The following SENP7 variants were observed in gnomAD, a reference collection of about 807,000 sequenced individuals.
The protein encoded by SENP7 is SUMO specific peptidase 7.
A neutral mutation model predicts 141.2 loss-of-function variants in SENP7; 64 were observed. That is an observed-to-expected ratio of 0.45 (90% CI 0.37 to 0.56). The LOEUF is 0.56. Ranked by LOEUF, SENP7 falls within the 20% of genes least tolerant of loss-of-function variation. The probability of loss-of-function intolerance (pLI) is 0.00; values close to 1 mark genes in which losing one functional copy is unlikely to be tolerated. For synonymous variants in SENP7, 382 were observed against 426.4 expected, an observed-to-expected ratio of 0.90 and a Z score of 1.28; for missense variants, 1,025 against 1,212.2, an observed-to-expected ratio of 0.85 and a Z score of 2.29.
intron 2 of SENP7, among the ~76,000 whole-genome samples, chr3:101,499,795 A>G (rs1245397274): frequency 6.6e-6 from 1 of 152,060 alleles, no homozygotes; most frequent in African/African-American, 2.4e-5. Flanking sequence ...TCAGCCTCCC[A>G]AAGTGCTGGG....
At chr3:101,361,596 T>C in intron 11 of SENP7, 119 bp downstream of exon 11, 1 of 1,066,396 alleles carries the variant, frequency 9.4e-7, no homozygotes, top group Non-Finnish European at 1.3e-6. Context: ...ATATCCAAAG[T>C]GTCCCATATA....
Position 101,325,937 on chromosome 3 carries a change from G to C in SENP7, c.*6C>G, listed in dbSNP as rs2058887975. 1.2e-6 allele frequency: 2 copies of C among 1,606,566 alleles called. No homozygotes were observed. Among genetic ancestry groups the C allele is most frequent in the Non-Finnish European group, 1.7e-6 (2 of 1,176,490 alleles). ...AGAACATCTGTGTCATGTTTGTACAGATTAACTAGCTACTGCTGCCCTTCT... is the reference window on the plus strand; with the variant it reads ...AGAACATCTGTGTCATGTTTGTACACATTAACTAGCTACTGCTGCCCTTCT... On this transcript the variant is annotated 3_prime_UTR_variant, in exon 24 of 24. Coordinates refer to ENST00000394095, the MANE Select transcript of SENP7 (RefSeq NM_020654.5).
chr3:101,429,384 A>G (rs958003305), intron 4 of SENP7, among the ~76,000 whole-genome samples: 1 of 152,012 alleles, frequency 6.6e-6, no homozygotes. Context: ...AGTGGTTTGT[A>G]GTTCTCCGTG....
chr3:101,394,598 C>T lies in SENP7; in HGVS notation c.677+4263G>A, dbSNP rs374440432. On this transcript the variant is annotated intron_variant, in intron 6 of 23. Coordinates refer to ENST00000394095, the MANE Select transcript of SENP7 (RefSeq NM_020654.5). The stretch of plus-strand genomic sequence containing the variant: ...CGCAATCTCGGCCCACTGTAAGCTC[C>T]GCCTCCCAGGTTCACGCCATTCTCC... Among the ~76,000 whole-genome samples, 8 of 151,938 alleles carry T rather than the reference C, an allele frequency of 5.3e-5. No homozygotes were observed. The East Asian group carries it at 7.7e-4, about 15-fold the overall frequency.
chr3:101,456,054 A>C (rs2063342306), intron 4 of SENP7, among the ~76,000 whole-genome samples: 2 of 152,176 alleles, frequency 1.3e-5, no homozygotes. Context: ...TTTAAATTCC[A>C]CTTTTTAATA....
At chr3:101,389,556 T>C (rs998748413) in intron 6 of SENP7, among the ~76,000 whole-genome samples, 2 of 151,296 alleles carry the variant, frequency 1.3e-5, no homozygotes, top group Non-Finnish European at 2.9e-5. Flanking sequence ...CCTAGCAAAG[T>C]TATCCTTCAT....
chr3:101,424,160 C>T (rs977551562), intron 4 of SENP7, among the ~76,000 whole-genome samples: 4 of 152,106 alleles, frequency 2.6e-5, no homozygotes, highest in Admixed American at 1.3e-4. Context: ...CTGGTGGTGT[C>T]TACTTGCAGG....
At chr3:101,409,993 C>T (rs1040639094) in intron 5 of SENP7, among the ~76,000 whole-genome samples, 7 of 151,896 alleles carry the variant, frequency 4.6e-5, no homozygotes, top group Non-Finnish European at 8.8e-5. Flanking sequence ...GCAGAGTAAA[C>T]GGATAACCCA....
At chr3:101,437,926 T>TAA (rs984662713) in intron 4 of SENP7, among the ~76,000 whole-genome samples, 1 of 139,636 alleles carries the variant, frequency 7.2e-6, no homozygotes. Flanking sequence ...ACTACAAATT[T>TAA]AAAAAAAAAA....
chr3:101,470,026 A>G (rs998020275), intron 3 of SENP7, among the ~76,000 whole-genome samples: 1 of 152,124 alleles, frequency 6.6e-6, no homozygotes, highest in African/African-American at 2.4e-5. Flanking sequence ...CTTTGAAACC[A>G]ATGAGAACAA....
chr3:101,487,533 CAAGGCTGATAACAAGA>C lies in SENP7; in HGVS notation c.186+6324_186+6339del, dbSNP rs1333441715. On this transcript the variant is annotated intron_variant, in intron 3 of 23. Coordinates refer to ENST00000394095, the MANE Select transcript of SENP7 (RefSeq NM_020654.5). Reference sequence around the variant, plus strand: ...GGGGAATTAGCCAAAAATTCTTTGCCAAGGCTGATAACAAGAAGGGTATTTCCTAGGTATTTTTCCT... The same window carrying C: ...GGGGAATTAGCCAAAAATTCTTTGCCAGGGTATTTCCTAGGTATTTTTCCT... Among the ~76,000 whole-genome samples the C allele has an allele frequency of 2.6e-5, 4 of 152,160 alleles. No homozygotes were observed. The East Asian group carries it at 7.7e-4, about 29-fold the overall frequency.
intron 4 of SENP7, among the ~76,000 whole-genome samples, chr3:101,458,133 T>C (rs1340990830): frequency 6.6e-6 from 1 of 152,156 alleles, no homozygotes; most frequent in African/African-American, 2.4e-5. Flanking sequence ...TTATCCATGG[T>C]ATGGTAATAA....
intron 3 of SENP7, among the ~76,000 whole-genome samples, chr3:101,466,259 T>C (rs911401152): frequency 1.9e-4 from 29 of 152,198 alleles, no homozygotes; most frequent in Middle Eastern, 3.4e-3. Context: ...AACATGAAGA[T>C]ACAGGAGTAC....
intron 3 of SENP7, among the ~76,000 whole-genome samples, chr3:101,463,414 T>TACAC (rs1559865731): frequency 1.3e-4 from 17 of 127,930 alleles, no homozygotes; most frequent in East Asian, 7.2e-4. Context: ...TATATATATA[T>TACAC]ATACACACAC....
chr3:101,456,148 T>G (rs969990858), intron 4 of SENP7, among the ~76,000 whole-genome samples: 1 of 134,530 alleles, frequency 7.4e-6, no homozygotes, highest in African/African-American at 2.6e-5. Flanking sequence ...AGATAATTAG[T>G]TATATATATA....
intron 3 of SENP7, among the ~76,000 whole-genome samples, chr3:101,471,716 A>G (rs140421166): frequency 1.3e-3 from 202 of 152,346 alleles, no homozygotes; most frequent in African/African-American, 4.7e-3. Context: ...TGAACAGGCA[A>G]CCTACAGAAT....
intron 2 of SENP7, among the ~76,000 whole-genome samples, chr3:101,495,478 T>G (rs140108665): frequency 1.3e-5 from 2 of 152,110 alleles, no homozygotes; most frequent in African/African-American, 4.8e-5. Context: ...CTATTCACAA[T>G]AGCAAAGACA....
At chr3:101,428,567 G>A (rs4510364) in intron 4 of SENP7, among the ~76,000 whole-genome samples, 60,382 of 151,996 alleles carry the variant, frequency 0.4, 12,503 homozygotes, top group Admixed American at 0.54. Context: ...TTGTAAATTT[G>A]TTTAAATTCT....
chr3:101,439,229 G>A (rs113317320), intron 4 of SENP7, among the ~76,000 whole-genome samples: 28 of 92,272 alleles, frequency 3.0e-4, no homozygotes, highest in East Asian at 1.5e-3. Flanking sequence ...CCGAGACCCC[G>A]TCTGGGAGGT....
Sources: gnomAD v4.1 joint callset for allele counts (sites outside exome capture counted in the v4.1 genomes callset) on GRCh38, gnomAD v4.1.1 for gene constraint, MANE v1.5 for transcripts, NCBI Gene and HGNC (gene_info 2026-07-23, HGNC 2026-07-21) for gene names.